DCUN1D4: variants seen among roughly 807,000 people sequenced by gnomAD.
The protein encoded by DCUN1D4 is DCN1-like protein 4.
DCUN1D4 carries 22 observed loss-of-function variants against 47.9 expected under a neutral mutation model. That is an observed-to-expected ratio of 0.46 (90% confidence interval 0.33 to 0.66). The LOEUF (loss-of-function observed/expected upper bound fraction) is 0.66. Ranked by LOEUF, DCUN1D4 falls within the 30% of genes least tolerant of loss-of-function variation. The pLI is 0.02. For synonymous variants in DCUN1D4, 121 were observed against 112.2 expected, an observed-to-expected ratio of 1.08 and a Z score of -0.50; for missense variants, 301 against 340.8, an observed-to-expected ratio of 0.88 and a Z score of 0.92.
chr4:51,911,040 G>C, intron 8 of DCUN1D4, 30 bp from the exon 9 acceptor site: 1 of 1,598,784 alleles, frequency 6.3e-7, no homozygotes, highest in Non-Finnish European at 8.6e-7. Flanking sequence ...GGGGGCATCT[G>C]GCTCATCCTT....
chr4:51,890,375 A>T (rs148057214), intron 6 of DCUN1D4, among the ~76,000 whole-genome samples: 1 of 152,368 alleles, frequency 6.6e-6, no homozygotes, highest in East Asian at 1.9e-4. Flanking sequence ...AGTAGCTGAA[A>T]TGAAGCCTTA....
rs530752342 is a variant in DCUN1D4 at position 51,844,407 on chromosome 4, C to T, written c.25+1140C>T. The T allele has an allele frequency of 1.6e-4, 157 of 983,422 alleles. No individual in the cohort carries two copies. The African/African-American group carries it at 2.5e-3, about 16-fold the overall frequency. The allele number at this position is 983,422 out of a possible 1,614,324, so 60.9% of individuals were successfully genotyped here. ...CGGACGGCGGGAAGCGAGGTCAGCGCTGGCGCGGGCTCCGGCAGCGGGACT... is the reference window on the plus strand; with the variant it reads ...CGGACGGCGGGAAGCGAGGTCAGCGTTGGCGCGGGCTCCGGCAGCGGGACT... On this transcript the variant is annotated intron_variant, in intron 1 of 10. Transcript: ENST00000334635.
At chr4:51,912,781 G>A (rs528700394) in intron 9 of DCUN1D4, among the ~76,000 whole-genome samples, 31 of 152,254 alleles carry the variant, frequency 2.0e-4, no homozygotes, top group Middle Eastern at 6.8e-3. Context: ...AGCACTTACC[G>A]GATCTCGTCA....
At chr4:51,843,650 C>T in intron 1 of DCUN1D4, 1 of 502,266 alleles carries the variant, frequency 2.0e-6, no homozygotes, top group East Asian at 1.5e-4. Context: ...GTGGCACCGG[C>T]GGGGAGAGGG....
At chr4:51,866,591 ACTTATG>A (rs1238225205) in intron 3 of DCUN1D4, among the ~76,000 whole-genome samples, 4 of 152,078 alleles carry the variant, frequency 2.6e-5, no homozygotes, top group African/African-American at 9.7e-5. Context: ...ATTTATGTAC[ACTTATG>A]CTTATATGTT....
rs527299238 is a variant in DCUN1D4, at chr4:51,870,876, G to GT, written c.137-3385dup. ...TTGTTTCCCTAAGCATTAAAAAGTT[G>GT]TTTTTTTTTTGTAGCCTGAATGGGT... On this transcript the variant is annotated intron_variant, in intron 3 of 10. Coordinates refer to ENST00000334635, the MANE Select transcript of DCUN1D4 (RefSeq NM_001040402.3). 2.9e-3 allele frequency among the ~76,000 whole-genome samples: 430 copies of GT among 148,216 alleles called. 2 individuals are homozygous for GT. The highest frequency in any genetic ancestry group is 8.8e-3 in the African/African-American group (355 of 40,470).
upstream of DCUN1D4, among the ~76,000 whole-genome samples, chr4:51,840,815 C>T (rs1217968762): frequency 6.6e-6 from 1 of 152,080 alleles, no homozygotes; most frequent in Non-Finnish European, 1.5e-5. Flanking sequence ...CTTTGTAAAA[C>T]GTGGGGGCAG....
chr4:51,843,188 A>G lies in DCUN1D4; in HGVS notation c.-55A>G. 2 of 1,533,880 alleles carry G rather than the reference A, an allele frequency of 1.3e-6. No homozygotes were observed. Among genetic ancestry groups the G allele is most frequent in the Non-Finnish European group, 1.8e-6 (2 of 1,141,226 alleles). On this transcript the variant is annotated 5_prime_UTR_variant, in exon 1 of 11. Transcript: ENST00000334635. ...CGAGGTGCAGTGAGCTGGTGGGGGG[A>G]CCGCGAGGCGAGCGCGGGAGCCTGG...
At chr4:51,881,727 G>T (rs965597994) in intron 5 of DCUN1D4, among the ~76,000 whole-genome samples, 3 of 150,462 alleles carry the variant, frequency 2.0e-5, no homozygotes, top group Non-Finnish European at 4.4e-5. Flanking sequence ...AACCCACTTT[G>T]TGTTAGCCAG....
rs1271206231 is a variant in DCUN1D4, at chr4:51,914,222, A to G, written c.*638A>G. 2.6e-5 allele frequency: 4 copies of G among 152,234 alleles called. No individual in the cohort carries two copies. The highest frequency in any genetic ancestry group is 7.2e-5 in the African/African-American group (3 of 41,468). The allele number at this position is 152,234 out of a possible 1,614,324, so 9.4% of individuals were successfully genotyped here. A position where few individuals can be genotyped will look rare whatever the true frequency, so the allele number is the denominator to read the frequency against. Reference sequence around the variant, plus strand: ...AAATCATTTCTACCATGCAAGGTGTATAAGTTGTTTATTTTTTAGTGTTAA... The same window carrying G: ...AAATCATTTCTACCATGCAAGGTGTGTAAGTTGTTTATTTTTTAGTGTTAA... On this transcript the variant is annotated 3_prime_UTR_variant, in exon 11 of 11. Coordinates refer to ENST00000334635, the MANE Select transcript of DCUN1D4 (RefSeq NM_001040402.3).
chr4:51,859,638 C>CAAAAAAAA (rs35981680), intron 1 of DCUN1D4, among the ~76,000 whole-genome samples: 6 of 39,494 alleles, frequency 1.5e-4, no homozygotes, highest in East Asian at 1.9e-3. Flanking sequence ...TTAAAACAAG[C>CAAAAAAAA]AAAAAAAAAA....
At chr4:51,842,121 A>AG (rs1480558154), upstream of DCUN1D4, among the ~76,000 whole-genome samples, 1 of 152,216 alleles carries the variant, frequency 6.6e-6, no homozygotes, top group Non-Finnish European at 1.5e-5. Flanking sequence ...TTCTTGACTT[A>AG]GGGTCAGAAG....
At chr4:51,870,810 TTTA>T (rs1439089012) in intron 3 of DCUN1D4, among the ~76,000 whole-genome samples, 1 of 152,226 alleles carries the variant, frequency 6.6e-6, no homozygotes, top group African/African-American at 2.4e-5. Context: ...GTGCATTTTG[TTTA>T]TTTAGTTCAT....
chr4:51,896,025 C>T (rs1731215994), intron 7 of DCUN1D4, among the ~76,000 whole-genome samples: 1 of 152,092 alleles, frequency 6.6e-6, no homozygotes, highest in African/African-American at 2.4e-5. Context: ...CAGGGTGACT[C>T]AGCAGCCTGT....
At chr4:51,871,912 G>A (rs1199044060) in intron 3 of DCUN1D4, among the ~76,000 whole-genome samples, 1 of 152,166 alleles carries the variant, frequency 6.6e-6, no homozygotes, top group African/African-American at 2.4e-5. Context: ...GTGTGGGGTG[G>A]TGGGCAGCAC....
chr4:51,911,773 A>G (rs1733749120), intron 9 of DCUN1D4, among the ~76,000 whole-genome samples: 1 of 152,160 alleles, frequency 6.6e-6, no homozygotes, highest in Non-Finnish European at 1.5e-5. Context: ...ATTCTGAGCT[A>G]CTGGTTTTGT....
Position 51,874,287 on chromosome 4 carries a change from C to T in DCUN1D4, c.153C>T (p.Cys51=). 6.2e-7 allele frequency: 1 copy of T among 1,611,444 alleles called. No homozygotes were observed. Among genetic ancestry groups the T allele is most frequent in the East Asian group, 2.2e-5 (1 of 44,840 alleles). ...GTTTTGTAGGAAGTCTGCGGTCTTG[C>T]AGTTCTTCAGACTGCTTTAATAAAG... ...DDHQTGSLRS[C]SSSDCFNKVM... The change falls in exon 4 of 11, where the codon TGC becomes TGT. Residue 51 remains cysteine, a synonymous_variant. Transcript: ENST00000334635.
chr4:51,873,037 C>T (rs926367104), intron 3 of DCUN1D4, among the ~76,000 whole-genome samples: 5 of 152,282 alleles, frequency 3.3e-5, no homozygotes, highest in African/African-American at 7.2e-5. Context: ...CTTCAAATGG[C>T]GAATGAGAGA....
chr4:51,870,018 G>C (rs541608017), intron 3 of DCUN1D4, among the ~76,000 whole-genome samples: 2 of 152,174 alleles, frequency 1.3e-5, no homozygotes, highest in Admixed American at 6.5e-5. Flanking sequence ...TTAAGAAAGA[G>C]CTTCTAATGA....
Sources: allele counts gnomAD v4.1 joint callset (sites outside exome capture counted in the v4.1 genomes callset), GRCh38; gene constraint gnomAD v4.1.1; transcripts MANE v1.5; gene names NCBI Gene and HGNC (gene_info 2026-07-23, HGNC 2026-07-21).